RAB11FIP4: variants seen among roughly 807,000 people sequenced by gnomAD.
RAB11FIP4 encodes rab11 family-interacting protein 4.
Under a neutral mutation model 74.3 loss-of-function variants are expected in RAB11FIP4, and 23 were observed. The observed-to-expected ratio is 0.31, with a 90% CI of 0.22 to 0.44. The LOEUF (loss-of-function observed/expected upper bound fraction) is 0.44. Among genes scored for constraint, RAB11FIP4 ranks in the 20% least tolerant of loss-of-function variants. The pLI, the probability that RAB11FIP4 is intolerant of heterozygous loss-of-function variation, is 1.00. For missense variants in RAB11FIP4, 630 were observed against 863.9 expected, an observed-to-expected ratio of 0.73 and a Z score of 3.39; for synonymous variants, 360 against 359.9, an observed-to-expected ratio of 1.00 and a Z score of 0.00.
chr17:31,426,599 C>CTT (rs59839758), intron 1 of RAB11FIP4, among the ~76,000 whole-genome samples: 10,780 of 121,972 alleles, frequency 0.088, 919 homozygotes, highest in East Asian at 0.3. Flanking sequence ...TTTTCTTTTC[C>CTT]TTTTTTTTTT....
Position 31,431,880 on chromosome 17 carries a change from G to A in RAB11FIP4, c.227G>A (p.Arg76Gln), listed in dbSNP as rs1415822214. 6 of 1,609,770 alleles carry A rather than the reference G, an allele frequency of 3.7e-6. No homozygotes were observed. The African/African-American group carries it at 4.0e-5, about 11-fold the overall frequency. The change falls in exon 2 of 15, where the codon CGG becomes CAG. Residue 76 changes from arginine to glutamine, a missense_variant. Coordinates refer to ENST00000621161, the MANE Select transcript of RAB11FIP4 (RefSeq NM_032932.6). ...LGRINFKDFC[R>Q]GVFAMKGCEE... ...AGAATCAACTTCAAGGACTTTTGCCGGGGGGTGTTCGCCATGAAAGGTGAG... is the reference window on the plus strand; with the variant it reads ...AGAATCAACTTCAAGGACTTTTGCCAGGGGGTGTTCGCCATGAAAGGTGAG...
chr17:31,494,725 C>T (rs1046497372), intron 3 of RAB11FIP4, among the ~76,000 whole-genome samples: 5 of 152,164 alleles, frequency 3.3e-5, no homozygotes, highest in African/African-American at 1.2e-4. Flanking sequence ...GATCCTCCCA[C>T]CGCGGCCCCC....
intron 1 of RAB11FIP4, among the ~76,000 whole-genome samples, chr17:31,392,935 G>A (rs1353189151): frequency 6.6e-6 from 1 of 152,196 alleles, no homozygotes; most frequent in African/African-American, 2.4e-5. Context: ...CTGCATGGGG[G>A]GCCTGGGGCC....
intron 10 of RAB11FIP4, 53 bp from the exon 11 acceptor site, chr17:31,527,789 A>G (rs2072792612): frequency 3.6e-6 from 5 of 1,396,128 alleles, no homozygotes; most frequent in Non-Finnish European, 5.0e-6. Flanking sequence ...GCAGGCGCTT[A>G]TCAGATAGTC....
Position 31,426,599 on chromosome 17 carries a change from C to CTTTT in RAB11FIP4, c.160-5201_160-5198dup, listed in dbSNP as rs59839758. 1.4e-3 allele frequency among the ~76,000 whole-genome samples: 171 copies of CTTTT among 122,026 alleles called. 4 individuals carry two copies. The highest frequency in any genetic ancestry group is 5.0e-3 in the African/African-American group (158 of 31,520). 80.1% of individuals were successfully genotyped at this position (122,026 alleles called of 152,430 possible). On this transcript the variant is annotated intron_variant, in intron 1 of 14. Transcript: ENST00000621161. Reference sequence around the variant, plus strand: ...TTTTCTTTTTTTTCTTTTTCTTTTCCTTTTTTTTTTTTTTTTGAGACGGAA... The same window carrying CTTTT: ...TTTTCTTTTTTTTCTTTTTCTTTTCCTTTTTTTTTTTTTTTTTTTTGAGACGGAA...
At chr17:31,464,818 T>C (rs1395121711) in intron 3 of RAB11FIP4, among the ~76,000 whole-genome samples, 1 of 131,322 alleles carries the variant, frequency 7.6e-6, no homozygotes, top group Non-Finnish European at 1.5e-5. Flanking sequence ...TGGAGTGCAG[T>C]GGCACGATCT....
At chr17:31,520,999 A>G in intron 4 of RAB11FIP4, 167 bp from the exon 5 acceptor site, 1 of 489,272 alleles carries the variant, frequency 2.0e-6, no homozygotes, top group East Asian at 3.2e-5. Flanking sequence ...TTCTGTGGTG[A>G]GATGTTTCCC....
At chr17:31,481,557 T>C (rs1363472597) in intron 3 of RAB11FIP4, among the ~76,000 whole-genome samples, 1 of 152,098 alleles carries the variant, frequency 6.6e-6, no homozygotes. Flanking sequence ...GAGTTGTTTT[T>C]GCTGCCTGGG....
intron 3 of RAB11FIP4, among the ~76,000 whole-genome samples, chr17:31,516,243 G>A (rs1226574236): frequency 1.3e-5 from 2 of 150,896 alleles, no homozygotes; most frequent in Admixed American, 6.7e-5. Context: ...ACTGCACCAT[G>A]TGGCAGCAGA....
intron 3 of RAB11FIP4, among the ~76,000 whole-genome samples, chr17:31,464,891 G>C (rs1338155855): frequency 1.3e-5 from 2 of 150,144 alleles, no homozygotes; most frequent in Non-Finnish European, 2.9e-5. Flanking sequence ...CTTCCTAGTA[G>C]CAGGAACTAC....
At chr17:31,517,206 T>TGGG (rs199757879) in intron 3 of RAB11FIP4, among the ~76,000 whole-genome samples, 2 of 20,250 alleles carry the variant, frequency 9.9e-5, no homozygotes, top group Admixed American at 5.9e-4. Flanking sequence ...GGGGGGGCGG[T>TGGG]GGGGGGGGCG....
At chr17:31,462,866 C>T (rs1396315071) in intron 3 of RAB11FIP4, among the ~76,000 whole-genome samples, 1 of 152,126 alleles carries the variant, frequency 6.6e-6, no homozygotes, top group Non-Finnish European at 1.5e-5. Flanking sequence ...GAACTCCTGA[C>T]CTCAAATGAT....
chr17:31,406,048 AG>A (rs1254482174), intron 1 of RAB11FIP4, among the ~76,000 whole-genome samples: 1 of 152,198 alleles, frequency 6.6e-6, no homozygotes, highest in Non-Finnish European at 1.5e-5. Context: ...CCCACCTGGC[AG>A]GGCACCTGGG....
chr17:31,448,102 G>A (rs1365799496), intron 3 of RAB11FIP4, among the ~76,000 whole-genome samples: 2 of 152,160 alleles, frequency 1.3e-5, no homozygotes, highest in Admixed American at 6.6e-5. Context: ...GTAAGCCACC[G>A]CGCCCTGCGG....
intron 3 of RAB11FIP4, among the ~76,000 whole-genome samples, chr17:31,502,560 C>T (rs2072242384): frequency 6.6e-6 from 1 of 152,130 alleles, no homozygotes; most frequent in Non-Finnish European, 1.5e-5. Context: ...GCCTGGGTGA[C>T]AGAGCAAGAC....
intron 3 of RAB11FIP4, among the ~76,000 whole-genome samples, chr17:31,463,803 C>CTTTTTTTTT (rs60955293): frequency 0.02 from 664 of 32,850 alleles, 249 homozygotes; most frequent in East Asian, 0.043. Context: ...TGCGCCTGGA[C>CTTTTTTTTT]TTTTTTTTTT....
chr17:31,507,714 A>G (rs969408098), intron 3 of RAB11FIP4, among the ~76,000 whole-genome samples: 3 of 152,058 alleles, frequency 2.0e-5, no homozygotes, highest in African/African-American at 7.3e-5. Context: ...GTAGGCCTTG[A>G]ACTCCTAGGT....
At chr17:31,438,296 G>T (rs1215869570) in intron 3 of RAB11FIP4, among the ~76,000 whole-genome samples, 1 of 152,090 alleles carries the variant, frequency 6.6e-6, no homozygotes, top group Non-Finnish European at 1.5e-5. Context: ...TCAGCAGGCA[G>T]TAATGTGAAC....
At chr17:31,403,644 CT>C (rs2151616136) in intron 1 of RAB11FIP4, among the ~76,000 whole-genome samples, 1 of 152,212 alleles carries the variant, frequency 6.6e-6, no homozygotes, top group Admixed American at 6.5e-5. Context: ...TTCTTAATCC[CT>C]TTCGTCATCA....
Sources: allele counts gnomAD v4.1 joint callset (sites outside exome capture counted in the v4.1 genomes callset), GRCh38; gene constraint gnomAD v4.1.1; transcripts MANE v1.5; gene names NCBI Gene and HGNC (gene_info 2026-07-23, HGNC 2026-07-21).